The following MAPK14 variants were observed in gnomAD, a reference collection of about 807,000 sequenced individuals.
MAPK14 encodes the protein CSAID-binding protein.
Under a neutral mutation model 49.6 loss-of-function variants are expected in MAPK14, and 16 were observed. The observed-to-expected ratio is 0.32, with a 90% CI of 0.22 to 0.49. MAPK14 has a LOEUF of 0.49. Among genes scored for constraint, MAPK14 ranks in the 20% least tolerant of loss-of-function variants. MAPK14 has a pLI of 0.99. For missense variants in MAPK14, 200 were observed against 441.2 expected (o/e 0.45, Z 4.90); for synonymous variants, 142 against 158.0 (o/e 0.90, Z 0.76).
At chr6:36,083,865 C>T (rs1052407095) in intron 8 of MAPK14, among the ~76,000 whole-genome samples, 1 of 152,152 alleles carries the variant, frequency 6.6e-6, no homozygotes, top group Non-Finnish European at 1.5e-5. Context: ...CAGAGTGCTT[C>T]GTTAGGTGGG....
intron 1 of MAPK14, among the ~76,000 whole-genome samples, chr6:36,044,073 G>A (rs1220692376): frequency 6.6e-6 from 1 of 151,936 alleles, no homozygotes; most frequent in Non-Finnish European, 1.5e-5. Context: ...GCCTCCCAAA[G>A]TTCTGGGATT....
rs1232587031 is a variant in MAPK14, at chr6:36,108,699, C to T, written c.*252C>T. Reference sequence around the variant, plus strand: ...GGTTGTGGATGCTCCAGGGCAGCCTCCACCTTGCTCTTCTTTCTGAGAGTT... The same window carrying T: ...GGTTGTGGATGCTCCAGGGCAGCCTTCACCTTGCTCTTCTTTCTGAGAGTT... On this transcript the variant is annotated 3_prime_UTR_variant, in exon 12 of 12. Transcript: ENST00000229794. 1 of 472,078 alleles carries T rather than the reference C, an allele frequency of 2.1e-6. No homozygotes were observed. Among genetic ancestry groups the T allele is most frequent in the Non-Finnish European group, 3.9e-6 (1 of 259,722 alleles). 29.2% of individuals were successfully genotyped at this position (472,078 alleles called of 1,614,324 possible).
In MAPK14 at chr6:36,028,140, G is replaced by A; in HGVS notation, c.-18G>A. ...GCCCCACAGGGCCACCTTCTTGCCC[G>A]GCGGCTGCCGCTGGAAAATGTCTCA... On this transcript the variant is annotated 5_prime_UTR_variant, in exon 1 of 12. Transcript: ENST00000229794. The surrounding 1 kb of genome is among the most constrained non-coding windows in gnomAD (Gnocchi z 5.1). The A allele has an allele frequency of 1.3e-6, 2 of 1,591,900 alleles. No individual in the cohort carries two copies. Among genetic ancestry groups the A allele is most frequent in the Non-Finnish European group, 1.7e-6 (2 of 1,161,546 alleles).
chr6:36,085,516 G>A (rs1764945159), intron 8 of MAPK14, among the ~76,000 whole-genome samples: 1 of 152,120 alleles, frequency 6.6e-6, no homozygotes, highest in Non-Finnish European at 1.5e-5. Context: ...AGCAGGGGTT[G>A]CAATCCTATT....
At chr6:36,060,892 C>T (rs145176132) in intron 3 of MAPK14, among the ~76,000 whole-genome samples, 2 of 152,152 alleles carry the variant, frequency 1.3e-5, no homozygotes, top group African/African-American at 4.8e-5. Flanking sequence ...CTACATTAAC[C>T]TTGATCCTGC....
intron 3 of MAPK14, among the ~76,000 whole-genome samples, chr6:36,072,071 T>C (rs948794660): frequency 6.6e-6 from 1 of 151,246 alleles, no homozygotes; most frequent in East Asian, 1.9e-4. Context: ...TGGCAGGTAG[T>C]TAAAGTTAGA....
At position 36,107,298 on chromosome 6, in the gene MAPK14, A is replaced by T. The variant is rs890248623; in HGVS notation, c.842-157A>T. Among the ~76,000 whole-genome samples the T allele has an allele frequency of 2.0e-4, 31 of 152,176 alleles. No individual in the cohort carries two copies. Among genetic ancestry groups the T allele is most frequent in the African/African-American group, 7.0e-4 (29 of 41,446 alleles). Reference sequence around the variant, plus strand: ...CACACACACACACACACACATACACACATAAAGGAGAAGAGGGCTAATATA... The same window carrying T: ...CACACACACACACACACACATACACTCATAAAGGAGAAGAGGGCTAATATA... On this transcript the variant is annotated intron_variant, in intron 10 of 11. Transcript: ENST00000229794. This position sits in a 1 kb window ranked among gnomAD's most constrained non-coding sequence, Gnocchi z 4.3.
chr6:36,029,274 G>A (rs1354161573), intron 1 of MAPK14: 2 of 152,044 alleles, frequency 1.3e-5, no homozygotes, highest in East Asian at 1.9e-4. Context: ...GGTACACGAT[G>A]GTTTTCGTAA....
chr6:36,078,315 A>G (rs566730833), intron 8 of MAPK14, among the ~76,000 whole-genome samples: 1 of 152,332 alleles, frequency 6.6e-6, no homozygotes, highest in Admixed American at 6.5e-5. Flanking sequence ...GTTAGCCATC[A>G]TGTTCAGTAA....
intron 4 of MAPK14, 78 bp from the exon 5 acceptor site, chr6:36,073,613 T>C: frequency 8.5e-7 from 1 of 1,172,586 alleles, no homozygotes; most frequent in South Asian, 1.3e-5. Context: ...TACTGATTCA[T>C]GAAAATGTGC....
rs753368753 is a variant in MAPK14, at chr6:36,028,315, C to T, written c.116+42C>T. On this transcript the variant is annotated intron_variant, in intron 1 of 11. Transcript: ENST00000229794. This position sits in a 1 kb window ranked among gnomAD's most constrained non-coding sequence, Gnocchi z 5.1. ...CTGGGGCCGCTGTGGGCAGGGTGGCCCCTCGCGCCCGAGGGCCAGGCCTGC... is the reference window on the plus strand; with the variant it reads ...CTGGGGCCGCTGTGGGCAGGGTGGCTCCTCGCGCCCGAGGGCCAGGCCTGC... 1 of 1,461,224 alleles carries T rather than the reference C, an allele frequency of 6.8e-7. No individual in the cohort carries two copies. The highest frequency in any genetic ancestry group is 9.6e-7 in the Non-Finnish European group (1 of 1,043,618). 90.5% of individuals were successfully genotyped at this position (1,461,224 alleles called of 1,614,324 possible). A position where few individuals can be genotyped will look rare whatever the true frequency, so the allele number is the denominator to read the frequency against.
chr6:36,071,876 T>C lies in MAPK14; in HGVS notation c.306-997T>C, dbSNP rs1764289130. On this transcript the variant is annotated intron_variant, in intron 3 of 11. Transcript: ENST00000229794. ...TTGCTGTTTTTGTTTTCTTTTCTCT[T>C]TTATTTTTTGTAGAGATGGGGTTTC... Among the ~76,000 whole-genome samples the C allele has an allele frequency of 2.6e-5, 4 of 152,204 alleles. No homozygotes were observed. In the South Asian group the frequency reaches 6.2e-4, roughly 24 times the overall value.
chr6:36,102,497 C>A, intron 9 of MAPK14, 74 bp from the exon 10 acceptor site: 1 of 1,135,204 alleles, frequency 8.8e-7, no homozygotes, highest in Non-Finnish European at 1.3e-6. Flanking sequence ...CGTTCCTTAG[C>A]AGGACCAAGA....
chr6:36,039,988 T>A (rs1280266544), intron 1 of MAPK14, among the ~76,000 whole-genome samples: 1 of 141,766 alleles, frequency 7.1e-6, no homozygotes, highest in African/African-American at 2.7e-5. Flanking sequence ...AGAGCAAGAC[T>A]CAGTCTCAAA....
rs1217611708 is a variant in MAPK14 at position 36,110,976 on chromosome 6, A to T, written c.*2529A>T. ...CTGTGGATGGGTAAAGCAAAGAGCA[A>T]ATGAACGAAGTATTAAGCATTGGGG... On this transcript the variant is annotated 3_prime_UTR_variant, in exon 12 of 12. Transcript: ENST00000229794. 6.6e-6 allele frequency: 1 copy of T among 152,252 alleles called. No homozygotes were observed. 9.4% of individuals were successfully genotyped at this position (152,252 alleles called of 1,614,324 possible). A position where few individuals can be genotyped will look rare whatever the true frequency, so the allele number is the denominator to read the frequency against.
chr6:36,028,150 G>T lies in MAPK14; in HGVS notation c.-8G>T, dbSNP rs750015060. 2.1e-5 allele frequency: 34 copies of T among 1,605,932 alleles called. No individual in the cohort carries two copies. The highest frequency in any genetic ancestry group is 2.2e-5 in the Non-Finnish European group (26 of 1,173,734). On this transcript the variant is annotated 5_prime_UTR_variant, in exon 1 of 12. Coordinates refer to ENST00000229794, the MANE Select transcript of MAPK14 (RefSeq NM_139012.3). The surrounding 1 kb of genome is among the most constrained non-coding windows in gnomAD (Gnocchi z 5.1). ...GCCACCTTCTTGCCCGGCGGCTGCC[G>T]CTGGAAAATGTCTCAGGAGAGGCCC...
chr6:36,028,029 C>G lies in MAPK14; in HGVS notation c.-129C>G, dbSNP rs1042974991. The stretch of plus-strand genomic sequence containing the variant: ...CGGGAGTCTGCGGGGTCGCGGCAGC[C>G]GCACCTGCGCGGGCGACCAGCGCAA... On this transcript the variant is annotated 5_prime_UTR_variant, in exon 1 of 12. Coordinates refer to ENST00000229794, the MANE Select transcript of MAPK14 (RefSeq NM_139012.3). The surrounding 1 kb of genome is among the most constrained non-coding windows in gnomAD (Gnocchi z 5.1). 2.9e-5 allele frequency: 14 copies of G among 487,084 alleles called. No individual in the cohort carries two copies. Among genetic ancestry groups the G allele is most frequent in the Admixed American group, 2.6e-4 (6 of 22,838 alleles). 30.2% of individuals were successfully genotyped at this position (487,084 alleles called of 1,614,324 possible).
At chr6:36,033,738 G>C (rs1320348473) in intron 1 of MAPK14, among the ~76,000 whole-genome samples, 1 of 152,206 alleles carries the variant, frequency 6.6e-6, no homozygotes, top group Non-Finnish European at 1.5e-5. Context: ...TCTCAGAGAT[G>C]ATGTGTTGAC....
At chr6:36,070,094 C>G (rs1764210140) in intron 3 of MAPK14, among the ~76,000 whole-genome samples, 1 of 152,158 alleles carries the variant, frequency 6.6e-6, no homozygotes. Flanking sequence ...CAGAATACTG[C>G]TATGTTCTTG....
Sources: allele counts gnomAD v4.1 joint callset (sites outside exome capture counted in the v4.1 genomes callset), GRCh38; gene constraint gnomAD v4.1.1; non-coding constraint Gnocchi (gnomAD v3.1); transcripts MANE v1.5; gene names NCBI Gene and HGNC (gene_info 2026-07-23, HGNC 2026-07-21).